Variants in SORCS2 observed in about 807,000 individuals in gnomAD.
SORCS2 encodes sortilin related VPS10 domain containing receptor 2.
Under a neutral mutation model 141.6 loss-of-function variants are expected in SORCS2, and 100 were observed. The observed-to-expected ratio is 0.71, with a 90% confidence interval of 0.60 to 0.83. SORCS2 has a LOEUF of 0.83. SORCS2 is among the 40% of genes least tolerant of loss of function. The pLI is 0.00. For synonymous variants in SORCS2, 789 were observed against 676.9 expected, an observed-to-expected ratio of 1.17 and a Z score of -2.57; for missense variants, 1,646 against 1,560.2, an observed-to-expected ratio of 1.05 and a Z score of -0.93.
At chr4:7,459,343 G>A (rs1031378989) in intron 2 of SORCS2, among the ~76,000 whole-genome samples, 1 of 152,152 alleles carries the variant, frequency 6.6e-6, no homozygotes, top group Non-Finnish European at 1.5e-5. Context: ...TTGTACTAGG[G>A]AGACATGAGG....
At chr4:7,393,218 G>C (rs28451349) in intron 1 of SORCS2, among the ~76,000 whole-genome samples, 8,030 of 152,142 alleles carry the variant, frequency 0.053, 298 homozygotes, top group African/African-American at 0.11. Flanking sequence ...AAAGATCCCT[G>C]TGGGCTGCGG....
chr4:7,714,177 C>T, intron 15 of SORCS2, 63 bp from the exon 16 acceptor site: 1 of 1,553,224 alleles, frequency 6.4e-7, no homozygotes, highest in East Asian at 2.4e-5. Context: ...CTCAGCGGCA[C>T]AAGGCCTTGT....
rs1343119018 is a variant in SORCS2 at position 7,203,395 on chromosome 4, GC to G, written c.480+10271del. ...GCCGAGATTGTGCCACTGCACTCTGGCCTGGGCGACAGAGCAAGACTCCGCC... is the reference window on the plus strand; with the variant it reads ...GCCGAGATTGTGCCACTGCACTCTGGCTGGGCGACAGAGCAAGACTCCGCC... On this transcript the variant is annotated intron_variant, in intron 1 of 26. Transcript: ENST00000507866. Among the ~76,000 whole-genome samples, 6 of 152,090 alleles carry G rather than the reference GC, an allele frequency of 3.9e-5. No individual in the cohort carries two copies. In the East Asian group the frequency reaches 1.2e-3, roughly 29 times the overall value.
chr4:7,597,636 G>C (rs1013483731), intron 3 of SORCS2, among the ~76,000 whole-genome samples: 21 of 150,480 alleles, frequency 1.4e-4, no homozygotes, highest in African/African-American at 4.9e-4. Context: ...TTAAAGGGAA[G>C]GGGGCTATTG....
intron 19 of SORCS2, among the ~76,000 whole-genome samples, chr4:7,724,621 A>ATGG (rs1726976641): frequency 3.8e-5 from 2 of 52,548 alleles, no homozygotes; most frequent in Middle Eastern, 8.9e-3. Flanking sequence ...GCTGGTGAGG[A>ATGG]TGGTGATGGT....
chr4:7,380,224 T>C (rs1437360301), intron 1 of SORCS2, among the ~76,000 whole-genome samples: 1 of 152,206 alleles, frequency 6.6e-6, no homozygotes, highest in Non-Finnish European at 1.5e-5. Context: ...GGTTCTGAGA[T>C]CTCTGCTGTC....
At chr4:7,506,489 C>A (rs1009354013) in intron 2 of SORCS2, among the ~76,000 whole-genome samples, 3 of 152,064 alleles carry the variant, frequency 2.0e-5, no homozygotes, top group Admixed American at 6.6e-5. Context: ...CACCCACCCA[C>A]CCACTCATTC....
At chr4:7,566,607 A>T (rs1433578525) in intron 3 of SORCS2, among the ~76,000 whole-genome samples, 1 of 152,244 alleles carries the variant, frequency 6.6e-6, no homozygotes, top group East Asian at 1.9e-4. Flanking sequence ...ACAACACAAG[A>T]TCACTTCTCA....
chr4:7,685,390 G>A (rs1353141220), intron 10 of SORCS2, among the ~76,000 whole-genome samples: 2 of 152,108 alleles, frequency 1.3e-5, no homozygotes, highest in South Asian at 2.1e-4. Context: ...ACAGCCTCAC[G>A]GGCTGGGCAC....
intron 1 of SORCS2, among the ~76,000 whole-genome samples, chr4:7,329,625 G>T (rs997225867): frequency 3.3e-5 from 5 of 152,198 alleles, no homozygotes; most frequent in Non-Finnish European, 7.3e-5. Context: ...ACACGAAGAA[G>T]CATATGTAAG....
At chr4:7,269,636 A>C (rs1383418168) in intron 1 of SORCS2, among the ~76,000 whole-genome samples, 1 of 152,194 alleles carries the variant, frequency 6.6e-6, no homozygotes, top group African/African-American at 2.4e-5. Context: ...CCCCAAGCCA[A>C]GGTATGCCAG....
intron 1 of SORCS2, among the ~76,000 whole-genome samples, chr4:7,194,244 AG>A (rs1040282290): frequency 6.6e-6 from 1 of 151,940 alleles, no homozygotes; most frequent in African/African-American, 2.4e-5. Context: ...CGCTTCCCAA[AG>A]GGCCAGGGTT....
At chr4:7,573,632 C>T (rs1715540671) in intron 3 of SORCS2, among the ~76,000 whole-genome samples, 2 of 152,334 alleles carry the variant, frequency 1.3e-5, no homozygotes, top group Admixed American at 6.5e-5. Context: ...ATTCTCCTGC[C>T]TCAGCCCCCT....
At chr4:7,710,212 C>A (rs1467746027) in intron 14 of SORCS2, among the ~76,000 whole-genome samples, 1 of 152,182 alleles carries the variant, frequency 6.6e-6, no homozygotes, top group African/African-American at 2.4e-5. Context: ...CATGTTTCTG[C>A]GCAAAGCCTC....
intron 3 of SORCS2, among the ~76,000 whole-genome samples, chr4:7,610,022 CA>C (rs1718307370): frequency 6.6e-6 from 1 of 152,332 alleles, no homozygotes; most frequent in Admixed American, 6.5e-5. Context: ...AGTTTTCAAT[CA>C]TGAGGTTGAT....
intron 1 of SORCS2, among the ~76,000 whole-genome samples, chr4:7,199,300 C>A (rs865877522): frequency 6.6e-6 from 1 of 152,050 alleles, no homozygotes; most frequent in Non-Finnish European, 1.5e-5. Context: ...GAAGTGGGGC[C>A]GGTGTGGAGG....
rs1336975650 is a variant in SORCS2 at position 7,193,163 on chromosome 4, C to T, written c.480+37C>T. On this transcript the variant is annotated intron_variant, in intron 1 of 26. Coordinates refer to ENST00000507866, the MANE Select transcript of SORCS2 (RefSeq NM_020777.3). This position sits in a 1 kb window ranked among gnomAD's most constrained non-coding sequence, Gnocchi z 4.8. ...CCACGCGCTCGCCGCGGCCCCTACC[C>T]GGGACACCGCGGGACACCCGGGCGG... 6 of 1,447,300 alleles carry T rather than the reference C, an allele frequency of 4.1e-6. No homozygotes were observed. Among genetic ancestry groups the T allele is most frequent in the Admixed American group, 2.5e-5 (1 of 40,504 alleles). 89.7% of individuals were successfully genotyped at this position (1,447,300 alleles called of 1,614,324 possible).
intron 2 of SORCS2, among the ~76,000 whole-genome samples, chr4:7,531,210 A>ACCTAGAG (rs1711608475): frequency 6.6e-6 from 1 of 152,170 alleles, no homozygotes; most frequent in Non-Finnish European, 1.5e-5. Flanking sequence ...GCATGTGGTA[A>ACCTAGAG]CCTAGAGCTG....
chr4:7,334,472 G>C (rs1387696340), intron 1 of SORCS2, among the ~76,000 whole-genome samples: 1 of 152,014 alleles, frequency 6.6e-6, no homozygotes, highest in Non-Finnish European at 1.5e-5. Flanking sequence ...ACCCCAGACA[G>C]TGAGCTCTGA....
Sources: allele counts gnomAD v4.1 joint callset (sites outside exome capture counted in the v4.1 genomes callset), GRCh38; gene constraint gnomAD v4.1.1; non-coding constraint Gnocchi (gnomAD v3.1); transcripts MANE v1.5; gene names NCBI Gene and HGNC (gene_info 2026-07-23, HGNC 2026-07-21).